The following CSMD1 variants were observed in gnomAD, a reference collection of about 807,000 sequenced individuals.
CSMD1 encodes CUB and Sushi multiple domains 1.
A neutral mutation model predicts 417.5 loss-of-function variants in CSMD1; 213 were observed. The observed-to-expected ratio is 0.51, with a 90% CI of 0.46 to 0.57. The LOEUF is 0.57. Ranked by LOEUF, CSMD1 falls within the 20% of genes least tolerant of loss-of-function variation. The pLI, the probability that CSMD1 is intolerant of heterozygous loss-of-function variation, is 0.00. For synonymous variants in CSMD1, 2,862 were observed against 1,736.8 expected, an observed-to-expected ratio of 1.65 and a Z score of -16.11; for missense variants, 6,923 against 4,529.7, an observed-to-expected ratio of 1.53 and a Z score of -15.17.
At chr8:3,844,817 TTTTG>T (rs1187960509) in intron 5 of CSMD1, among the ~76,000 whole-genome samples, 2 of 152,124 alleles carry the variant, frequency 1.3e-5, no homozygotes, top group African/African-American at 2.4e-5. Context: ...TCAGAACAGA[TTTTG>T]TTTTTGTTTT....
At chr8:4,913,743 G>A (rs1216497587) in intron 1 of CSMD1, among the ~76,000 whole-genome samples, 2 of 152,104 alleles carry the variant, frequency 1.3e-5, no homozygotes, top group African/African-American at 2.4e-5. Context: ...GCAAGCGAGG[G>A]AGTTGTCCAT....
At chr8:3,763,812 A>G (rs1355814649) in intron 5 of CSMD1, among the ~76,000 whole-genome samples, 1 of 152,208 alleles carries the variant, frequency 6.6e-6, no homozygotes, top group Non-Finnish European at 1.5e-5. Flanking sequence ...AGGTCCCTGC[A>G]TGCACACATA....
At chr8:3,642,812 C>G (rs1044258593) in intron 7 of CSMD1, among the ~76,000 whole-genome samples, 1 of 151,848 alleles carries the variant, frequency 6.6e-6, no homozygotes, top group Non-Finnish European at 1.5e-5. Flanking sequence ...GTAGAACCCC[C>G]AGAGATGAAA....
intron 50 of CSMD1, among the ~76,000 whole-genome samples, chr8:3,032,659 G>A (rs1810418850): frequency 6.6e-6 from 1 of 151,900 alleles, no homozygotes; most frequent in African/African-American, 2.4e-5. Context: ...ACTGACATCA[G>A]AAGCCTGAAA....
chr8:4,806,361 T>C (rs549406164), intron 1 of CSMD1, among the ~76,000 whole-genome samples: 3 of 152,272 alleles, frequency 2.0e-5, no homozygotes, highest in East Asian at 1.9e-4. Context: ...CGTTGCAGTA[T>C]TGAACTCGTG....
intron 1 of CSMD1, among the ~76,000 whole-genome samples, chr8:4,937,961 G>C (rs770807115): frequency 1.3e-5 from 2 of 152,052 alleles, no homozygotes; most frequent in Non-Finnish European, 2.9e-5. Flanking sequence ...ATTTTAATCT[G>C]TTTTCAACAG....
At chr8:4,902,467 T>C (rs912060521) in intron 1 of CSMD1, among the ~76,000 whole-genome samples, 4 of 151,794 alleles carry the variant, frequency 2.6e-5, no homozygotes, top group African/African-American at 9.7e-5. Flanking sequence ...TACTCTATAA[T>C]CTTTTCAGGA....
chr8:4,785,696 G>T (rs546607342), intron 1 of CSMD1, among the ~76,000 whole-genome samples: 1 of 152,030 alleles, frequency 6.6e-6, no homozygotes, highest in South Asian at 2.1e-4. Flanking sequence ...AAAGGAGAAA[G>T]GAAGGGAGGA....
At chr8:4,474,405 C>G (rs1154080) in intron 2 of CSMD1, among the ~76,000 whole-genome samples, 5,875 of 152,044 alleles carry the variant, frequency 0.039, 378 homozygotes, top group African/African-American at 0.13. Flanking sequence ...GAGAATTGGT[C>G]TAAGAAAGGC....
intron 1 of CSMD1, among the ~76,000 whole-genome samples, chr8:4,754,270 G>C (rs946655720): frequency 6.6e-6 from 1 of 152,110 alleles, no homozygotes; most frequent in South Asian, 2.1e-4. Flanking sequence ...TGACTAAGAA[G>C]ACAATTGCCA....
At chr8:4,368,563 G>C (rs558920616) in intron 3 of CSMD1, among the ~76,000 whole-genome samples, 1 of 152,122 alleles carries the variant, frequency 6.6e-6, no homozygotes, top group African/African-American at 2.4e-5. Context: ...GCTCTTTTTT[G>C]TACATCTGGT....
chr8:4,877,953 A>G (rs1212612431), intron 1 of CSMD1, among the ~76,000 whole-genome samples: 1 of 152,100 alleles, frequency 6.6e-6, no homozygotes, highest in African/African-American at 2.4e-5. Flanking sequence ...ACAGAGACAC[A>G]CTATAATCCA....
At chr8:4,646,247 G>A (rs1167499663) in intron 1 of CSMD1, among the ~76,000 whole-genome samples, 1 of 152,052 alleles carries the variant, frequency 6.6e-6, no homozygotes, top group African/African-American at 2.4e-5. Flanking sequence ...TTTTTTCTTA[G>A]AACTAATAAT....
At chr8:4,037,082 C>G (rs1797661020) in intron 3 of CSMD1, among the ~76,000 whole-genome samples, 3 of 151,788 alleles carry the variant, frequency 2.0e-5, no homozygotes. Flanking sequence ...CACCCACAAC[C>G]CAAAACTGGA....
At chr8:4,374,972 G>GGGA (rs1563107835) in intron 3 of CSMD1, among the ~76,000 whole-genome samples, 2 of 131,922 alleles carry the variant, frequency 1.5e-5, no homozygotes, top group Admixed American at 8.0e-5. Context: ...GGGGGGGGGG[G>GGGA]GCGATAGTGG....
chr8:4,333,504 C>G (rs1799991096), intron 3 of CSMD1, among the ~76,000 whole-genome samples: 6 of 152,154 alleles, frequency 3.9e-5, no homozygotes, highest in Admixed American at 3.3e-4. Flanking sequence ...GTGTACAGCA[C>G]TACTCTCATT....
At chr8:3,921,813 T>C (rs1438268757) in intron 5 of CSMD1, among the ~76,000 whole-genome samples, 1 of 152,192 alleles carries the variant, frequency 6.6e-6, no homozygotes, top group Non-Finnish European at 1.5e-5. Flanking sequence ...ATATGATCTA[T>C]CCTGGAGAGA....
At chr8:3,675,974 T>G (rs1428449809) in intron 7 of CSMD1, among the ~76,000 whole-genome samples, 1 of 152,178 alleles carries the variant, frequency 6.6e-6, no homozygotes. Context: ...CCTGCCATCT[T>G]CCCAGTCAGA....
rs1425247391 is a variant in CSMD1 at position 4,971,990 on chromosome 8, T to A, written c.85+22342A>T. Among the ~76,000 whole-genome samples the A allele has an allele frequency of 3.3e-5, 5 of 152,072 alleles. No individual in the cohort carries two copies. The East Asian group carries it at 9.6e-4, about 29-fold the overall frequency. On this transcript the variant is annotated intron_variant, in intron 1 of 69. Transcript: ENST00000635120. ...TAAACAGGTGTTAGTGATCAACATT[T>A]ATCTTCAAAGCAGCAGCCAACAATT...
Sources: allele counts gnomAD v4.1 joint callset (sites outside exome capture counted in the v4.1 genomes callset), GRCh38; gene constraint gnomAD v4.1.1; transcripts MANE v1.5; gene names NCBI Gene and HGNC (gene_info 2026-07-23, HGNC 2026-07-21).